FGF13: variants seen among roughly 807,000 people sequenced by gnomAD.
FGF13 encodes fibroblast growth factor homologous factor 2.
Under a neutral mutation model 19.5 loss-of-function variants are expected in FGF13, and 2 were observed. The ratio of observed to expected loss-of-function variants is 0.10; its 90% confidence interval spans 0.04 to 0.32. The LOEUF is 0.32. Among genes scored for constraint, FGF13 ranks in the 10% least tolerant of loss-of-function variants. The pLI, the probability that FGF13 is intolerant of heterozygous loss-of-function variation, is 1.00. For synonymous variants in FGF13, 72 were observed against 76.9 expected, an observed-to-expected ratio of 0.94 and a Z score of 0.33; for missense variants, 113 against 192.7, an observed-to-expected ratio of 0.59 and a Z score of 2.45.
intron 1 of FGF13, among the ~76,000 whole-genome samples, chrX:138,918,959 G>A (rs2091631361): frequency 1.8e-5 from 2 of 111,381 alleles, no homozygotes; most frequent in African/African-American, 6.5e-5. Flanking sequence ...TAACTTATGA[G>A]GTGCTTCCAA....
intron 1 of FGF13, among the ~76,000 whole-genome samples, chrX:139,047,182 A>G (rs1239838479): frequency 1.2e-4 from 13 of 112,100 alleles, no homozygotes. Context: ...ATCAGCTCTA[A>G]GTCAACAATG....
At chrX:138,715,197 T>A (rs1162655000), upstream of FGF13, among the ~76,000 whole-genome samples, 2 of 112,094 alleles carry the variant, frequency 1.8e-5, no homozygotes, top group Admixed American at 1.9e-4. Context: ...ATTCTTAGCT[T>A]TTTTTTCTAA....
At chrX:138,974,993 T>G (rs1478488359) in intron 1 of FGF13, among the ~76,000 whole-genome samples, 3 of 112,590 alleles carry the variant, frequency 2.7e-5, no homozygotes, top group Non-Finnish European at 5.6e-5. Flanking sequence ...AGAGGCAGTC[T>G]GGAGAGTAAA....
intron 1 of FGF13, among the ~76,000 whole-genome samples, chrX:139,067,693 A>T (rs1212155459): frequency 8.9e-6 from 1 of 112,334 alleles, no homozygotes; most frequent in African/African-American, 3.2e-5. Context: ...GATATCGTGA[A>T]AATGGCCATA....
At chrX:138,826,630 G>A (rs1208931465) in intron 3 of FGF13, among the ~76,000 whole-genome samples, 1 of 111,945 alleles carries the variant, frequency 8.9e-6, no homozygotes, top group Non-Finnish European at 1.9e-5. Context: ...CTAAGGGATG[G>A]AATCAAATAA....
chrX:138,746,242 A>G lies in FGF13; in HGVS notation c.218-37314T>C, dbSNP rs1018722751. Among the ~76,000 whole-genome samples the G allele has an allele frequency of 1.5e-4, 17 of 110,588 alleles. No homozygotes were observed. The Admixed American group carries it at 1.5e-3, about 10-fold the overall frequency. ...ACCAGAAAGGAATCAAATGACATTC[A>G]GAAAGGTGACCTGGGCTGCAGAGTG... On this transcript the variant is annotated intron_variant, in intron 3 of 6. Coordinates refer to the FGF13 transcript ENST00000436198.
chrX:138,813,119 T>C (rs1279298374), intron 3 of FGF13, among the ~76,000 whole-genome samples: 1 of 112,036 alleles, frequency 8.9e-6, no homozygotes, highest in Admixed American at 9.5e-5. Flanking sequence ...TTAAATAGTG[T>C]TGCAATAAAC....
chrX:138,776,643 C>T (rs1037009716), intron 3 of FGF13, among the ~76,000 whole-genome samples: 1 of 112,063 alleles, frequency 8.9e-6, no homozygotes, highest in East Asian at 2.8e-4. Flanking sequence ...GTAGATTCAT[C>T]GGCTAAGAAT....
At chrX:138,967,265 A>T (rs1296033935) in intron 1 of FGF13, among the ~76,000 whole-genome samples, 1 of 111,122 alleles carries the variant, frequency 9.0e-6, no homozygotes, top group Non-Finnish European at 1.9e-5. Context: ...GAATTTAATT[A>T]GATTATGTCC....
intron 3 of FGF13, among the ~76,000 whole-genome samples, chrX:138,652,010 G>T (rs2089380651): frequency 9.0e-6 from 1 of 111,727 alleles, no homozygotes; most frequent in Non-Finnish European, 1.9e-5. Context: ...TTCACTCAGA[G>T]TCAAAGACAA....
intron 3 of FGF13, among the ~76,000 whole-genome samples, chrX:138,749,339 ACACACAC>A (rs2090380172): frequency 9.4e-6 from 1 of 105,837 alleles, no homozygotes; most frequent in Non-Finnish European, 2.0e-5. Context: ...ACACACACAC[ACACACAC>A]ACACACACAC....
chrX:139,001,114 G>A lies in FGF13; in HGVS notation c.-112-136464C>T, dbSNP rs184664564. ...GTTCCCTGTTTAATAAATGGTGCTGGGAAAACTGGCTAGCCATATGCAGAA... is the reference window on the plus strand; with the variant it reads ...GTTCCCTGTTTAATAAATGGTGCTGAGAAAACTGGCTAGCCATATGCAGAA... On this transcript the variant is annotated intron_variant, in intron 1 of 2. Transcript: ENST00000421460. Among the ~76,000 whole-genome samples the A allele has an allele frequency of 1.3e-3, 147 of 111,886 alleles. 1 individual carries two copies. The highest frequency in any genetic ancestry group is 2.6e-4 in the Non-Finnish European group (14 of 53,160).
intron 1 of FGF13, among the ~76,000 whole-genome samples, chrX:138,894,326 T>C (rs933761004): frequency 7.6e-5 from 8 of 105,463 alleles, no homozygotes; most frequent in Admixed American, 9.9e-5. Flanking sequence ...CTGAAGGAGA[T>C]AGAGACACAA....
At chrX:138,705,500 C>T (rs184025494) in intron 2 of FGF13, among the ~76,000 whole-genome samples, 109 of 112,019 alleles carry the variant, frequency 9.7e-4, no homozygotes, top group African/African-American at 3.3e-3. Context: ...AAACTATGTA[C>T]TTTTCACTAT....
intron 3 of FGF13, among the ~76,000 whole-genome samples, chrX:138,799,204 T>C (rs2090807444): frequency 8.9e-6 from 1 of 112,092 alleles, no homozygotes; most frequent in Non-Finnish European, 1.9e-5. Flanking sequence ...TTTGGTGCTA[T>C]AAATTTCCCT....
intron 1 of FGF13, among the ~76,000 whole-genome samples, chrX:138,993,337 T>C (rs995721059): frequency 2.7e-5 from 3 of 111,827 alleles, no homozygotes; most frequent in African/African-American, 9.8e-5. Context: ...ACTATGGGAA[T>C]AGAAGAAGTT....
At chrX:139,003,617 T>C (rs1482761425) in intron 1 of FGF13, among the ~76,000 whole-genome samples, 4 of 34,614 alleles carry the variant, frequency 1.2e-4, no homozygotes, top group Non-Finnish European at 3.4e-4. Context: ...TCAGATTAGT[T>C]AGATACAGAG....
At chrX:139,200,536 C>T (rs1210435742) in intron 1 of FGF13, among the ~76,000 whole-genome samples, 3 of 112,048 alleles carry the variant, frequency 2.7e-5, no homozygotes, top group African/African-American at 9.7e-5. Flanking sequence ...AATTGTCCTC[C>T]ATTGTCCAGC....
intron 3 of FGF13, among the ~76,000 whole-genome samples, chrX:138,747,530 G>A (rs1040752295): frequency 8.1e-5 from 9 of 111,513 alleles, no homozygotes; most frequent in Non-Finnish European, 1.7e-4. Flanking sequence ...GAGAAACTCC[G>A]GAATAAACAT....
Sources: allele counts gnomAD v4.1 joint callset (sites outside exome capture counted in the v4.1 genomes callset), GRCh38; gene constraint gnomAD v4.1.1; transcripts MANE v1.5; gene names NCBI Gene and HGNC (gene_info 2026-07-23, HGNC 2026-07-21).